KLHL8: variants seen among roughly 807,000 people sequenced by gnomAD.
KLHL8 encodes kelch like family member 8, also known as kelch-like protein 8.
KLHL8 carries 38 observed loss-of-function variants against 63.5 expected under a neutral mutation model. The ratio of observed to expected loss-of-function variants is 0.60; its 90% CI spans 0.46 to 0.78. The LOEUF (loss-of-function observed/expected upper bound fraction) is 0.78. KLHL8 is among the 30% of genes least tolerant of loss of function. KLHL8 has a pLI of 0.00. For missense variants in KLHL8, 566 were observed against 752.4 expected (o/e 0.75, Z 2.90); for synonymous variants, 224 against 254.3 (o/e 0.88, Z 1.13).
rs139469981 is a variant in KLHL8 at position 87,237,929 on chromosome 4, G to A, written n.57+2329C>T. On this transcript the variant is annotated intron_variant and non_coding_transcript_variant, in intron 1 of 1. Transcript: ENST00000506274. ...AAACATATCTGTGTTCTGTTAATGT[G>A]TTTTAGTGTTATATCATTTTTTTTA... 1.2e-3 allele frequency among the ~76,000 whole-genome samples: 176 copies of A among 152,072 alleles called. 1 individual carries two copies. In the East Asian group the frequency reaches 0.019, roughly 16 times the overall value.
At chr4:87,238,726 TA>T (rs1256895026) in intron 1 of KLHL8, among the ~76,000 whole-genome samples, 8 of 152,168 alleles carry the variant, frequency 5.3e-5, no homozygotes, top group Non-Finnish European at 1.0e-4. Flanking sequence ...GTATTGGACT[TA>T]TTTGTATTTA....
At chr4:87,183,677 A>T (rs1731140784) in intron 3 of KLHL8, among the ~76,000 whole-genome samples, 1 of 152,220 alleles carries the variant, frequency 6.6e-6, no homozygotes, top group African/African-American at 2.4e-5. Context: ...AATAGGCTTT[A>T]TAATTGAATT....
intron 1 of KLHL8, among the ~76,000 whole-genome samples, chr4:87,213,816 G>A (rs1732493349): frequency 1.3e-5 from 2 of 152,142 alleles, no homozygotes; most frequent in Admixed American, 1.3e-4. Flanking sequence ...CCTTGCTTTT[G>A]AGAGATATCT....
intron 8 of KLHL8, among the ~76,000 whole-genome samples, chr4:87,164,460 T>C (rs1448051913): frequency 6.6e-6 from 1 of 152,188 alleles, no homozygotes; most frequent in African/African-American, 2.4e-5. Flanking sequence ...CTGTGTATTA[T>C]ATCTTAAACA....
chr4:87,187,395 C>CT (rs772906955), intron 2 of KLHL8, among the ~76,000 whole-genome samples: 2,726 of 132,068 alleles, frequency 0.021, 46 homozygotes, highest in Middle Eastern at 0.025. Flanking sequence ...AAGATCTCAT[C>CT]TTTTTTTTTC....
intron 2 of KLHL8, among the ~76,000 whole-genome samples, chr4:87,186,450 A>C (rs892638418): frequency 6.7e-5 from 10 of 150,088 alleles, no homozygotes; most frequent in African/African-American, 2.5e-4. Context: ...ATCAGTTAGC[A>C]CTCATTACAT....
chr4:87,217,744 C>T (rs1422821456), intron 1 of KLHL8, among the ~76,000 whole-genome samples: 6 of 151,620 alleles, frequency 4.0e-5, no homozygotes. Flanking sequence ...CTGCCTTGAC[C>T]TCCCAAATTG....
chr4:87,239,093 G>A (rs774219304), intron 1 of KLHL8, among the ~76,000 whole-genome samples: 6 of 152,014 alleles, frequency 3.9e-5, no homozygotes, highest in South Asian at 4.2e-4. Context: ...TACCTTTTTC[G>A]CACTCAGTAA....
At chr4:87,169,370 G>A (rs1195468037) in intron 8 of KLHL8, among the ~76,000 whole-genome samples, 1 of 152,138 alleles carries the variant, frequency 6.6e-6, no homozygotes, top group Admixed American at 6.6e-5. Flanking sequence ...CTTGAAATGA[G>A]GTTGAGAAAA....
chr4:87,207,773 G>C, intron 1 of KLHL8: 1 of 868,398 alleles, frequency 1.2e-6, no homozygotes, highest in Non-Finnish European at 2.0e-6. Flanking sequence ...AAGCTCACTG[G>C]CATGGCCTTC....
At chr4:87,179,226 C>T (rs947164931) in intron 4 of KLHL8, among the ~76,000 whole-genome samples, 6 of 152,172 alleles carry the variant, frequency 3.9e-5, no homozygotes, top group Non-Finnish European at 8.8e-5. Context: ...TCTTGCCTAC[C>T]TAAACAACCT....
chr4:87,211,484 C>T (rs1732403574), intron 1 of KLHL8, among the ~76,000 whole-genome samples: 1 of 152,038 alleles, frequency 6.6e-6, no homozygotes, highest in South Asian at 2.1e-4. Context: ...AAATTACTGC[C>T]GTGACTTTAA....
intron 1 of KLHL8, among the ~76,000 whole-genome samples, chr4:87,239,282 T>C (rs1733288340): frequency 6.6e-6 from 1 of 152,222 alleles, no homozygotes; most frequent in African/African-American, 2.4e-5. Context: ...GTTTGCTTGA[T>C]GAATGAATAA....
intron 1 of KLHL8, among the ~76,000 whole-genome samples, chr4:87,232,234 A>G (rs1733148793): frequency 6.6e-6 from 1 of 152,084 alleles, no homozygotes; most frequent in Non-Finnish European, 1.5e-5. Flanking sequence ...GTTGTACCCT[A>G]TTTGCATTTA....
At chr4:87,204,725 T>C (rs749089642) in intron 1 of KLHL8, among the ~76,000 whole-genome samples, 11 of 152,222 alleles carry the variant, frequency 7.2e-5, no homozygotes, top group Non-Finnish European at 1.2e-4. Flanking sequence ...TACTACATAC[T>C]CTATGATTCC....
rs1224429543 is a variant in KLHL8, at chr4:87,220,548, T to C, written c.-282A>G. The stretch of plus-strand genomic sequence containing the variant: ...AGCACCCGGCGGACGCGCGCTCTCC[T>C]GCGCGGCCCCGCGGAGCCCCGGCGG... On this transcript the variant is annotated 5_prime_UTR_variant, in exon 1 of 10. Transcript: ENST00000273963. 1.3e-5 allele frequency: 2 copies of C among 151,988 alleles called. No individual in the cohort carries two copies. Among genetic ancestry groups the C allele is most frequent in the Admixed American group, 1.3e-4 (2 of 15,246 alleles). The allele number at this position is 151,988 out of a possible 1,614,324, so 9.4% of individuals were successfully genotyped here.
chr4:87,238,993 C>T (rs971237036), intron 1 of KLHL8, among the ~76,000 whole-genome samples: 2 of 152,140 alleles, frequency 1.3e-5, no homozygotes, highest in Non-Finnish European at 2.9e-5. Context: ...TGTTTCGAGA[C>T]ACCTATTTTA....
intron 1 of KLHL8, among the ~76,000 whole-genome samples, chr4:87,199,433 C>T (rs1560708284): frequency 6.6e-6 from 1 of 152,100 alleles, no homozygotes; most frequent in East Asian, 1.9e-4. Flanking sequence ...AAAGGATTCA[C>T]AACATTGAAT....
chr4:87,206,304 T>C (rs1193230201), intron 1 of KLHL8, among the ~76,000 whole-genome samples: 1 of 152,222 alleles, frequency 6.6e-6, no homozygotes, highest in Admixed American at 6.5e-5. Context: ...GATTAGATGC[T>C]GCTGGATTTA....
Sources: allele counts gnomAD v4.1 joint callset (sites outside exome capture counted in the v4.1 genomes callset), GRCh38; gene constraint gnomAD v4.1.1; transcripts MANE v1.5; gene names NCBI Gene and HGNC (gene_info 2026-07-23, HGNC 2026-07-21).